ABI2: variants seen among roughly 807,000 people sequenced by gnomAD.
ABI2 encodes abelson interactor 2.
A neutral mutation model predicts 59.2 loss-of-function variants in ABI2; 25 were observed. The ratio of observed to expected loss-of-function variants is 0.42; its 90% CI spans 0.31 to 0.59. The LOEUF (loss-of-function observed/expected upper bound fraction) is 0.59, where lower values mean the gene tolerates loss of function less well. Ranked by LOEUF, ABI2 falls within the 20% of genes least tolerant of loss-of-function variation. The pLI is 0.14. For missense variants in ABI2, 545 were observed against 681.8 expected (o/e 0.80, Z 2.23); for synonymous variants, 213 against 235.5 (o/e 0.90, Z 0.87).
chr2:203,328,816 T>TA (rs1344465567), intron 1 of ABI2, 185 bp downstream of exon 1: 1 of 394,214 alleles, frequency 2.5e-6, no homozygotes, highest in Non-Finnish European at 4.5e-6. Context: ...AACTGCATTT[T>TA]AAAAACCTTT....
chr2:203,360,465 AT>A (rs2093329437), intron 1 of ABI2, among the ~76,000 whole-genome samples: 1 of 152,112 alleles, frequency 6.6e-6, no homozygotes. Flanking sequence ...AGGGAAACAA[AT>A]TTGGTGGTTT....
intron 2 of ABI2, among the ~76,000 whole-genome samples, chr2:203,379,154 A>G (rs1406737033): frequency 6.6e-6 from 1 of 152,254 alleles, no homozygotes; most frequent in Non-Finnish European, 1.5e-5. Flanking sequence ...CATTTAATAA[A>G]TATAAATAAA....
chr2:203,399,671 T>C (rs1399838730), intron 8 of ABI2, among the ~76,000 whole-genome samples: 1 of 152,012 alleles, frequency 6.6e-6, no homozygotes, highest in Non-Finnish European at 1.5e-5. Context: ...CCCACCACCA[T>C]GCCCAGCTAA....
chr2:203,348,920 TTTTG>T lies in ABI2; in HGVS notation c.118-17933_118-17930del, dbSNP rs377359440. ...CTTGCTGAAGGTGTTTTTTTTTGTT[TTTTG>T]TTTGTTTGTTTGTTTGTTTGTTTTT... On this transcript the variant is annotated intron_variant, in intron 1 of 11. Transcript: ENST00000261018. Among the ~76,000 whole-genome samples the T allele has an allele frequency of 6.9e-3, 1,055 of 152,050 alleles. 11 individuals carry two copies. Among genetic ancestry groups the T allele is most frequent in the African/African-American group, 0.021 (852 of 41,492 alleles).
intron 1 of ABI2, among the ~76,000 whole-genome samples, chr2:203,338,942 A>G (rs1257947375): frequency 0.31 from 2,265 of 7,222 alleles, 244 homozygotes; most frequent in African/African-American, 0.46. Flanking sequence ...ATGTATATAT[A>G]TATATATATA....
At chr2:203,339,827 A>C (rs779394242) in intron 1 of ABI2, among the ~76,000 whole-genome samples, 4 of 152,202 alleles carry the variant, frequency 2.6e-5, no homozygotes, top group Non-Finnish European at 5.9e-5. Context: ...GTTCTCCTTC[A>C]GTCTACATGG....
At chr2:203,379,610 T>C (rs540705962) in intron 2 of ABI2, among the ~76,000 whole-genome samples, 91 of 152,334 alleles carry the variant, frequency 6.0e-4, no homozygotes, top group South Asian at 1.0e-3. Flanking sequence ...ATAGAAATTA[T>C]ACTAATAGGT....
intron 1 of ABI2, among the ~76,000 whole-genome samples, chr2:203,357,825 G>T (rs938508416): frequency 4.6e-5 from 7 of 152,156 alleles, no homozygotes; most frequent in African/African-American, 1.4e-4. Flanking sequence ...CTGGAGTGCA[G>T]TGGCGCAGTC....
rs1242385560 is a variant in ABI2, at chr2:203,354,860, C to T, written c.118-12017C>T. ...TCTTAGTATCTTCTAAGACTGTTTTCGATATAAACATTTCTGGAAAAGATG... is the reference window on the plus strand; with the variant it reads ...TCTTAGTATCTTCTAAGACTGTTTTTGATATAAACATTTCTGGAAAAGATG... On this transcript the variant is annotated intron_variant, in intron 1 of 11. Coordinates refer to ENST00000261018, the MANE Select transcript of ABI2 (RefSeq NM_001375670.1). Among the ~76,000 whole-genome samples the T allele has an allele frequency of 4.6e-5, 7 of 152,070 alleles. No individual in the cohort carries two copies. The South Asian group carries it at 6.2e-4, about 14-fold the overall frequency.
intron 6 of ABI2, 178 bp downstream of exon 6, chr2:203,395,024 G>A: frequency 1.3e-6 from 1 of 782,888 alleles, no homozygotes; most frequent in Non-Finnish European, 2.2e-6. Context: ...GAGCAGTCAG[G>A]AAGTTGATAA....
chr2:203,346,273 T>C (rs1023864111), intron 1 of ABI2, among the ~76,000 whole-genome samples: 24 of 152,242 alleles, frequency 1.6e-4, no homozygotes, highest in African/African-American at 4.1e-4. Flanking sequence ...ACCAGATAGA[T>C]CTACCGGATG....
At chr2:203,415,418 C>T (rs999485355) in intron 10 of ABI2, among the ~76,000 whole-genome samples, 2 of 151,974 alleles carry the variant, frequency 1.3e-5, no homozygotes, top group African/African-American at 2.4e-5. Context: ...GAGATCTAGA[C>T]GATCCTGGCT....
chr2:203,408,387 T>A (rs1580006064), intron 9 of ABI2, among the ~76,000 whole-genome samples: 1 of 151,784 alleles, frequency 6.6e-6, no homozygotes, highest in Admixed American at 6.6e-5. Context: ...GGTCTTGAAC[T>A]CCTGACCTCA....
At chr2:203,403,764 T>TTA (rs1553600464) in intron 9 of ABI2, among the ~76,000 whole-genome samples, 7 of 147,022 alleles carry the variant, frequency 4.8e-5, no homozygotes, top group South Asian at 2.2e-4. Flanking sequence ...TTTTTTTTTT[T>TTA]AAATTGAGAT....
intron 10 of ABI2, 99 bp downstream of exon 10, chr2:203,411,470 A>T: frequency 1.1e-6 from 1 of 912,552 alleles, no homozygotes. Flanking sequence ...TGATACTTCA[A>T]CATTTCAATA....
rs150298234 is a variant in ABI2 at position 203,335,644 on chromosome 2, T to C, written c.117+7013T>C. ...TCCTATTTGATTTTTTGGTGACATT[T>C]ATGTTCTGTAAAGTTTTGCAGTACT... On this transcript the variant is annotated intron_variant, in intron 1 of 11. Coordinates refer to ENST00000261018, the MANE Select transcript of ABI2 (RefSeq NM_001375670.1). 2.5e-3 allele frequency among the ~76,000 whole-genome samples: 374 copies of C among 152,376 alleles called. 8 individuals carry two copies. The highest frequency in any genetic ancestry group is 0.018 in the Admixed American group (271 of 15,298).
chr2:203,358,109 G>A (rs2092662835), intron 1 of ABI2, among the ~76,000 whole-genome samples: 1 of 144,124 alleles, frequency 6.9e-6, no homozygotes, highest in African/African-American at 2.6e-5. Flanking sequence ...GTGTGTGTGT[G>A]TGTGTTTGTT....
intron 1 of ABI2, among the ~76,000 whole-genome samples, chr2:203,339,592 A>G (rs191934561): frequency 0.023 from 3,543 of 151,770 alleles, 98 homozygotes; most frequent in East Asian, 0.091. Context: ...AAAAAAAAAA[A>G]AAAAAGAAAA....
intron 11 of ABI2, among the ~76,000 whole-genome samples, chr2:203,425,976 G>T (rs2098415810): frequency 1.3e-5 from 2 of 150,596 alleles, no homozygotes; most frequent in Admixed American, 1.3e-4. Flanking sequence ...AACCGAGATA[G>T]TGCCACTGCA....
Sources: allele counts gnomAD v4.1 joint callset (sites outside exome capture counted in the v4.1 genomes callset), GRCh38; gene constraint gnomAD v4.1.1; transcripts MANE v1.5; gene names NCBI Gene and HGNC (gene_info 2026-07-23, HGNC 2026-07-21).